The following ABCA5 variants were observed in gnomAD, a reference collection of about 807,000 sequenced individuals.
The protein encoded by ABCA5 is cholesterol transporter ABCA5.
ABCA5 carries 163 observed loss-of-function variants against 206.0 expected under a neutral mutation model. The ratio of observed to expected loss-of-function variants is 0.79; its 90% CI spans 0.70 to 0.90. The LOEUF is 0.90. Ranked by LOEUF, ABCA5 falls within the 40% of genes least tolerant of loss-of-function variation. ABCA5 has a pLI of 0.00. For missense variants in ABCA5, 1,859 were observed against 1,912.9 expected (o/e 0.97, Z 0.53); for synonymous variants, 609 against 613.8 (o/e 0.99, Z 0.11).
Position 69,245,862 on chromosome 17 carries a change from A to C in ABCA5, c.*1675T>G, listed in dbSNP as rs1038770677. The C allele has an allele frequency of 1.3e-5, 2 of 152,016 alleles. No homozygotes were observed. Among genetic ancestry groups the C allele is most frequent in the African/African-American group, 2.4e-5 (1 of 41,454 alleles). 9.4% of individuals were successfully genotyped at this position (152,016 alleles called of 1,614,324 possible). On this transcript the variant is annotated 3_prime_UTR_variant, in exon 39 of 39. Transcript: ENST00000392676. ...GTCATGCTCTATCTTCAGATGACATAACTTTCTTAGGATGGTCAGGTTCTA... is the reference window on the plus strand; with the variant it reads ...GTCATGCTCTATCTTCAGATGACATCACTTTCTTAGGATGGTCAGGTTCTA...
At chr17:69,302,992 G>A (rs2075668115) in intron 7 of ABCA5, 86 bp from the exon 8 acceptor site, 1 of 658,114 alleles carries the variant, frequency 1.5e-6, no homozygotes. Context: ...GAAAGAACAA[G>A]CTATTTTCAT....
chr17:69,254,329 T>C lies in ABCA5; in HGVS notation c.4230A>G (p.Lys1410=). The stretch of plus-strand genomic sequence containing the variant: ...AATTATTTTACCGACTTATGACTTC[T>C]TTCATGTCACTTGCACTCATTCCTT... ...AVKGMSASDM[K]EVISRITHAL... The change falls in exon 32 of 39, where the codon AAA becomes AAG. Residue 1410 remains lysine, a synonymous_variant. Coordinates refer to ENST00000392676, the MANE Select transcript of ABCA5 (RefSeq NM_172232.4). The C allele has an allele frequency of 6.2e-7, 1 of 1,607,054 alleles. No individual in the cohort carries two copies. The highest frequency in any genetic ancestry group is 8.5e-7 in the Non-Finnish European group (1 of 1,176,694).
chr17:69,310,461 T>C (rs1288433185), intron 3 of ABCA5, among the ~76,000 whole-genome samples: 1 of 152,178 alleles, frequency 6.6e-6, no homozygotes, highest in Non-Finnish European at 1.5e-5. Flanking sequence ...TTTTAGTAAA[T>C]ATATGAATTT....
At chr17:69,290,360 G>A (rs1446899100) in intron 12 of ABCA5, among the ~76,000 whole-genome samples, 1 of 152,090 alleles carries the variant, frequency 6.6e-6, no homozygotes, top group Non-Finnish European at 1.5e-5. Flanking sequence ...TGCAATAGTG[G>A]AGGGATTAAA....
chr17:69,315,782 C>CA (rs60830676), intron 1 of ABCA5, among the ~76,000 whole-genome samples: 91,363 of 132,328 alleles, frequency 0.69, 31,485 homozygotes, highest in East Asian at 0.88. Flanking sequence ...GGATCCGCCT[C>CA]AAAAAAAAAA....
chr17:69,294,248 C>T (rs570099798), intron 11 of ABCA5, among the ~76,000 whole-genome samples: 20 of 152,212 alleles, frequency 1.3e-4, no homozygotes, highest in African/African-American at 3.9e-4. Flanking sequence ...AGGGGCTGGG[C>T]GCAGTGGCTC....
In ABCA5 at chr17:69,290,307, C is replaced by T. The variant is rs945007154; in HGVS notation, c.1607-270G>A. On this transcript the variant is annotated intron_variant, in intron 12 of 38. Coordinates refer to ENST00000392676, the MANE Select transcript of ABCA5 (RefSeq NM_172232.4). ...CACTAAACATAAATATCTATTGATA[C>T]ACTATTTACACTTGTATTCCAGTAA... is the stretch of plus-strand genomic sequence containing the variant. Among the ~76,000 whole-genome samples, 2 of 152,050 alleles carry T rather than the reference C, an allele frequency of 1.3e-5. 1 individual carries two copies. The highest frequency in any genetic ancestry group is 4.1e-4 in the South Asian group (2 of 4,822).
chr17:69,289,352 TATCA>T, intron 13 of ABCA5, 56 bp from the exon 14 acceptor site: 1 of 1,291,428 alleles, frequency 7.7e-7, no homozygotes, highest in Non-Finnish European at 1.0e-6. Flanking sequence ...TTTATATAAT[TATCA>T]ATATTACTTT....
rs1424928018 is a variant in ABCA5, at chr17:69,259,728, T to C, written c.3709A>G (p.Ile1237Val). The change falls in exon 28 of 39, where the codon ATA (isoleucine) becomes GTA (valine). Residue 1237 changes from isoleucine (I) to valine (V), a missense_variant. Ile to Val is a conservative substitution (Grantham distance 29, BLOSUM62 3). Coordinates refer to ENST00000392676, the MANE Select transcript of ABCA5 (RefSeq NM_172232.4). ...YYEKKYGGRS[I>V]RKDPFFRNLS... ...GACCTGAAAAAGGGATCTTTTCTTA[T>C]TGATCTGCCTCCATATTTTTTCTCA... 1 of 1,606,584 alleles carries C rather than the reference T, an allele frequency of 6.2e-7. No individual in the cohort carries two copies. Among genetic ancestry groups the C allele is most frequent in the Non-Finnish European group, 8.5e-7 (1 of 1,174,888 alleles).
In ABCA5 at chr17:69,256,293, T is replaced by C; in HGVS notation, c.3732-10A>G. On this transcript the variant is annotated splice_polypyrimidine_tract_variant and intron_variant, in intron 28 of 38. Transcript: ENST00000392676. ...CTTCGTTGAAAGGTTTCTACATATA[T>C]ATAATAAATATAAAAGACAGTAGGT... 1.3e-6 allele frequency: 2 copies of C among 1,503,730 alleles called. No individual in the cohort carries two copies. The highest frequency in any genetic ancestry group is 1.8e-6 in the Non-Finnish European group (2 of 1,115,758). 93.1% of individuals were successfully genotyped at this position (1,503,730 alleles called of 1,614,324 possible).
intron 23 of ABCA5, among the ~76,000 whole-genome samples, chr17:69,266,880 T>G (rs1381552609): frequency 6.6e-6 from 1 of 151,286 alleles, no homozygotes; most frequent in Non-Finnish European, 1.5e-5. Context: ...TTTATTTATT[T>G]ATTTATTTTT....
chr17:69,250,749 A>G (rs1051107526), intron 35 of ABCA5, 128 bp from the exon 36 acceptor site: 2 of 602,920 alleles, frequency 3.3e-6, no homozygotes, highest in African/African-American at 3.9e-5. Flanking sequence ...AAGAAAATAC[A>G]GCATCCCCAT....
intron 24 of ABCA5, among the ~76,000 whole-genome samples, chr17:69,262,436 T>C (rs1365286302): frequency 3.9e-5 from 6 of 152,166 alleles, no homozygotes; most frequent in African/African-American, 1.4e-4. Context: ...CATTTTTATG[T>C]CCATGTTTAC....
intron 1 of ABCA5, among the ~76,000 whole-genome samples, chr17:69,319,917 C>A (rs2145052741): frequency 6.6e-6 from 1 of 152,272 alleles, no homozygotes; most frequent in Non-Finnish European, 1.5e-5. Context: ...TGAAGCCAAA[C>A]CAACTAAACA....
In ABCA5 at chr17:69,290,023, A is replaced by G. The variant is rs112574477; in HGVS notation, c.1621T>C (p.Tyr541His). The change falls in exon 13 of 39, where the codon TAT becomes CAT. Residue 541 changes from tyrosine (Y) to histidine (H), a missense_variant. Transcript: ENST00000392676. ...TCTATTTCTGAGACTCTGTGTCCAT[A>G]TATAGATGCAAACCCTAAAAGCAAA... Reference protein sequence around the residue: ...CPPSDGFASIYGHRVSEIDEM... With the variant: ...CPPSDGFASIHGHRVSEIDEM... 5.7e-6 allele frequency: 9 copies of G among 1,591,408 alleles called. No homozygotes were observed. Among genetic ancestry groups the G allele is most frequent in the Non-Finnish European group, 7.7e-6 (9 of 1,172,146 alleles).
chr17:69,260,906 G>A (rs1216319251), intron 26 of ABCA5, among the ~76,000 whole-genome samples: 1 of 151,808 alleles, frequency 6.6e-6, no homozygotes, highest in African/African-American at 2.4e-5. Flanking sequence ...ACATCATTTT[G>A]AGCATGAGAG....
intron 11 of ABCA5, among the ~76,000 whole-genome samples, chr17:69,293,476 C>T (rs1052809190): frequency 2.6e-5 from 4 of 152,024 alleles, no homozygotes; most frequent in African/African-American, 9.7e-5. Context: ...GGCTATGGTG[C>T]CGTTATTTGG....
At chr17:69,289,115 A>G (rs1006443061) in intron 14 of ABCA5, 62 bp downstream of exon 14, 30 of 1,516,788 alleles carry the variant, frequency 2.0e-5, no homozygotes, top group Non-Finnish European at 2.3e-5. Flanking sequence ...TCTTTCTACA[A>G]CCTGCTTTTT....
chr17:69,258,153 C>T (rs1225854856), intron 28 of ABCA5, among the ~76,000 whole-genome samples: 1 of 151,864 alleles, frequency 6.6e-6, no homozygotes, highest in African/African-American at 2.4e-5. Flanking sequence ...TTCAACCCAG[C>T]AATCCTACTA....
Sources: gnomAD v4.1 joint callset for allele counts (sites outside exome capture counted in the v4.1 genomes callset) on GRCh38, gnomAD v4.1.1 for gene constraint, MANE v1.5 for transcripts, NCBI Gene and HGNC (gene_info 2026-07-23, HGNC 2026-07-21) for gene names.